FOXN3: variants seen among roughly 807,000 people sequenced by gnomAD.
FOXN3 encodes the protein forkhead box N3, also known as forkhead box protein N3.
A neutral mutation model predicts 38.4 loss-of-function variants in FOXN3; 7 were observed. The observed-to-expected ratio is 0.18, with a 90% CI of 0.10 to 0.34. FOXN3 has a LOEUF of 0.34. Ranked by LOEUF, FOXN3 falls within the 10% of genes least tolerant of loss-of-function variation. The pLI, the probability that FOXN3 is intolerant of heterozygous loss-of-function variation, is 1.00. For missense variants in FOXN3, 456 were observed against 613.4 expected, an observed-to-expected ratio of 0.74 and a Z score of 2.71; for synonymous variants, 230 against 242.2, an observed-to-expected ratio of 0.95 and a Z score of 0.47.
intron 4 of FOXN3, among the ~76,000 whole-genome samples, chr14:89,244,348 T>C (rs1885227442): frequency 6.6e-6 from 1 of 152,162 alleles, no homozygotes; most frequent in African/African-American, 2.4e-5. Context: ...TACCTACAAA[T>C]GTCATCTATA....
chr14:89,335,681 T>G (rs79480268), intron 3 of FOXN3, among the ~76,000 whole-genome samples: 142 of 152,366 alleles, frequency 9.3e-4, no homozygotes, highest in African/African-American at 3.2e-3. Context: ...GCTAATTATA[T>G]CTATTCATTT....
intron 1 of FOXN3, among the ~76,000 whole-genome samples, chr14:89,573,504 G>A (rs1895536472): frequency 6.6e-6 from 1 of 152,114 alleles, no homozygotes; most frequent in Admixed American, 6.6e-5. Context: ...TATATTGCAG[G>A]AAGCCAAATG....
At position 89,355,916 on chromosome 14, in the gene FOXN3, C is replaced by T. The variant is rs1889202228; in HGVS notation, c.544-5108G>A. Reference sequence around the variant, plus strand: ...TGGCTCTGGGGCAGTGCCTAAAGAACGGGGATAAGGAGGCAGGCCCCATGT... The same window carrying T: ...TGGCTCTGGGGCAGTGCCTAAAGAATGGGGATAAGGAGGCAGGCCCCATGT... On this transcript the variant is annotated intron_variant, in intron 2 of 5. Transcript: ENST00000557258. Among the ~76,000 whole-genome samples the T allele has an allele frequency of 3.3e-5, 5 of 151,890 alleles. No homozygotes were observed. The South Asian group carries it at 8.3e-4, about 25-fold the overall frequency.
chr14:89,180,480 T>C (rs1486194574), intron 5 of FOXN3, among the ~76,000 whole-genome samples: 2 of 152,182 alleles, frequency 1.3e-5, no homozygotes, highest in Admixed American at 1.3e-4. Flanking sequence ...CATCTCCTCA[T>C]CTGTAAAGAG....
At chr14:89,515,562 C>T (rs1894183338) in intron 1 of FOXN3, among the ~76,000 whole-genome samples, 1 of 151,900 alleles carries the variant, frequency 6.6e-6, no homozygotes, top group Non-Finnish European at 1.5e-5. Context: ...ATGGTGAAAC[C>T]TCATCTCTAC....
chr14:89,214,719 A>G (rs1884216415), intron 4 of FOXN3, among the ~76,000 whole-genome samples: 1 of 152,252 alleles, frequency 6.6e-6, no homozygotes, highest in Non-Finnish European at 1.5e-5. Flanking sequence ...GGAGCTAACC[A>G]TATTTTCTGC....
intron 1 of FOXN3, among the ~76,000 whole-genome samples, chr14:89,551,747 G>A (rs1210350672): frequency 6.6e-6 from 1 of 152,144 alleles, no homozygotes; most frequent in African/African-American, 2.4e-5. Flanking sequence ...CACGCTTGTG[G>A]AACAAAGGCC....
At chr14:89,464,877 T>C (rs368290447) in intron 1 of FOXN3, among the ~76,000 whole-genome samples, 1 of 152,174 alleles carries the variant, frequency 6.6e-6, no homozygotes, top group African/African-American at 2.4e-5. Flanking sequence ...TTTGTACTTT[T>C]GGTAGAGATT....
At chr14:89,194,796 T>TTA (rs748221503) in intron 4 of FOXN3, among the ~76,000 whole-genome samples, 7 of 152,022 alleles carry the variant, frequency 4.6e-5, no homozygotes, top group African/African-American at 7.3e-5. Flanking sequence ...TCATACTTTC[T>TTA]TATATATATG....
chr14:89,480,888 C>A (rs1269350373), intron 1 of FOXN3, among the ~76,000 whole-genome samples: 2 of 151,986 alleles, frequency 1.3e-5, no homozygotes, highest in Non-Finnish European at 2.9e-5. Context: ...TGGGGGGTTT[C>A]TTGAAGCAAG....
At chr14:89,524,385 AAAAAAAAAAAAAAAAAAAGAAAG>A (rs1566686310) in intron 1 of FOXN3, among the ~76,000 whole-genome samples, 6 of 111,758 alleles carry the variant, frequency 5.4e-5, no homozygotes, top group Non-Finnish European at 7.0e-5. Context: ...AAAAAAAAAA[AAAAAAAAAAAAAAAAAAAGAAAG>A]AAAGAAACTA....
chr14:89,177,538 ACTGGGGCTGGGG>A (rs542008664), intron 5 of FOXN3, among the ~76,000 whole-genome samples: 10 of 140,276 alleles, frequency 7.1e-5, no homozygotes, highest in South Asian at 4.7e-4. Context: ...TGTTTCCCAA[ACTGGGGCTGGGG>A]CTGGGGCTGG....
intron 1 of FOXN3, among the ~76,000 whole-genome samples, chr14:89,591,719 G>A (rs1895956205): frequency 6.6e-6 from 1 of 152,160 alleles, no homozygotes; most frequent in Non-Finnish European, 1.5e-5. Flanking sequence ...AAGCCCAGGA[G>A]TTCAACGCCG....
chr14:89,226,792 G>A (rs1225220780), intron 4 of FOXN3, among the ~76,000 whole-genome samples: 1 of 152,144 alleles, frequency 6.6e-6, no homozygotes, highest in Non-Finnish European at 1.5e-5. Flanking sequence ...GAAAAAGGGA[G>A]ATTTGGACGC....
chr14:89,385,523 G>C (rs1453809089), intron 2 of FOXN3, among the ~76,000 whole-genome samples: 2 of 109,826 alleles, frequency 1.8e-5, no homozygotes, highest in South Asian at 8.2e-4. Context: ...AAAAAAAAAG[G>C]AGGGCTGGGT....
chr14:89,509,068 T>C (rs1367676233), intron 1 of FOXN3, among the ~76,000 whole-genome samples: 1 of 152,028 alleles, frequency 6.6e-6, no homozygotes, highest in East Asian at 1.9e-4. Flanking sequence ...TGAGCTCATC[T>C]CCTACTTCCC....
At chr14:89,485,251 T>C (rs1364583003) in intron 1 of FOXN3, among the ~76,000 whole-genome samples, 1 of 151,668 alleles carries the variant, frequency 6.6e-6, no homozygotes, top group Non-Finnish European at 1.5e-5. Context: ...CAGGATCCAC[T>C]GCACCATACC....
At chr14:89,429,068 C>T (rs1056552788) in intron 1 of FOXN3, among the ~76,000 whole-genome samples, 3 of 152,186 alleles carry the variant, frequency 2.0e-5, no homozygotes, top group Non-Finnish European at 2.9e-5. Context: ...CAACAGTTCG[C>T]TTTCTCTTAA....
At chr14:89,363,880 G>C (rs1263819704) in intron 2 of FOXN3, among the ~76,000 whole-genome samples, 1 of 149,072 alleles carries the variant, frequency 6.7e-6, no homozygotes, top group Non-Finnish European at 1.5e-5. Flanking sequence ...GGAGGTCAAG[G>C]CTGCAGTGAG....
Sources: gnomAD v4.1 joint callset for allele counts (sites outside exome capture counted in the v4.1 genomes callset) on GRCh38, gnomAD v4.1.1 for gene constraint, MANE v1.5 for transcripts, NCBI Gene and HGNC (gene_info 2026-07-23, HGNC 2026-07-21) for gene names.